DENND11: variants seen among roughly 807,000 people sequenced by gnomAD.
DENND11 encodes the protein DENN domain containing 11.
In DENND11, 34 loss-of-function variants were observed where a neutral mutation model predicts 49.2. The ratio of observed to expected loss-of-function variants is 0.69; its 90% CI spans 0.53 to 0.92. The LOEUF (loss-of-function observed/expected upper bound fraction) is 0.92. Among genes scored for constraint, DENND11 ranks in the 40% least tolerant of loss-of-function variants. The probability of loss-of-function intolerance (pLI) is 0.00; values close to 1 mark genes in which losing one functional copy is unlikely to be tolerated. For synonymous variants in DENND11, 238 were observed against 230.3 expected (o/e 1.03, Z -0.30); for missense variants, 475 against 581.6 (o/e 0.82, Z 1.88).
chr7:141,691,695 G>A (rs2117078766), intron 1 of DENND11, among the ~76,000 whole-genome samples: 1 of 152,284 alleles, frequency 6.6e-6, no homozygotes, highest in East Asian at 1.9e-4. Flanking sequence ...CTGGGGAGAG[G>A]TATCCTTATC....
chr7:141,689,180 T>C (rs976068388), intron 1 of DENND11, among the ~76,000 whole-genome samples: 20 of 152,162 alleles, frequency 1.3e-4, no homozygotes, highest in Non-Finnish European at 8.8e-5. Flanking sequence ...CTATTCACAA[T>C]AGCAAAGACA....
chr7:141,664,313 C>T, intron 7 of DENND11, 73 bp from the exon 8 acceptor site: 5 of 1,172,476 alleles, frequency 4.3e-6, no homozygotes, highest in Non-Finnish European at 2.5e-6. Context: ...CTCAGCCAGG[C>T]ATCTTCAATG....
At chr7:141,692,693 A>C (rs1420758765) in intron 1 of DENND11, among the ~76,000 whole-genome samples, 1 of 152,016 alleles carries the variant, frequency 6.6e-6, no homozygotes, top group Non-Finnish European at 1.5e-5. Flanking sequence ...TTAAAAAAAA[A>C]AATTAGCCAG....
intron 1 of DENND11, among the ~76,000 whole-genome samples, chr7:141,697,845 T>A (rs777261078): frequency 5.9e-5 from 9 of 152,324 alleles, no homozygotes; most frequent in Admixed American, 3.3e-4. Context: ...GACATAAACA[T>A]AGAAGCGCTC....
intron 8 of DENND11, 129 bp downstream of exon 8, chr7:141,664,043 G>A (rs868488591): frequency 9.5e-6 from 7 of 735,434 alleles, no homozygotes; most frequent in Non-Finnish European, 1.6e-5. Flanking sequence ...TAAGGAGCCC[G>A]GCTCTAAGTG....
intron 4 of DENND11, among the ~76,000 whole-genome samples, chr7:141,671,996 T>C (rs1797989073): frequency 6.6e-6 from 1 of 152,246 alleles, no homozygotes. Flanking sequence ...TCTCTTCTGT[T>C]TCTTGCTCCA....
At chr7:141,680,747 G>T (rs1462657799) in intron 3 of DENND11, among the ~76,000 whole-genome samples, 1 of 151,850 alleles carries the variant, frequency 6.6e-6, no homozygotes, top group Non-Finnish European at 1.5e-5. Flanking sequence ...CAATGTAATG[G>T]GGAGACAGCT....
At chr7:141,698,099 TAAAG>T (rs2117085014) in intron 1 of DENND11, among the ~76,000 whole-genome samples, 1 of 152,284 alleles carries the variant, frequency 6.6e-6, no homozygotes, top group African/African-American at 2.4e-5. Flanking sequence ...GAATCTCTTA[TAAAG>T]AAACAGTCTA....
Position 141,685,633 on chromosome 7 carries a change from A to G in DENND11, c.372T>C (p.Tyr124=), listed in dbSNP as rs749579742. Residue 124 remains tyrosine, a synonymous_variant, in exon 3 of 9, where the codon TAT becomes TAC. Transcript: ENST00000536163. ...GSHKIQSDFI[Y]FRKGPFFGLA... is the part of the protein sequence containing the mutation. ...GGCCGAAGAAGGGCCCCTTTCGGAA[A>G]TAGCTAGAAGAGACCAAATACGTAG... The G allele has an allele frequency of 4.3e-6, 7 of 1,613,984 alleles. No individual in the cohort carries two copies. In the Admixed American group the frequency reaches 5.0e-5, roughly 12 times the overall value.
intron 4 of DENND11, among the ~76,000 whole-genome samples, chr7:141,672,245 T>C (rs955957702): frequency 6.6e-5 from 10 of 152,228 alleles, no homozygotes; most frequent in African/African-American, 2.4e-4. Flanking sequence ...AGGCAGCCTC[T>C]AAGATAGTCC....
intron 1 of DENND11, among the ~76,000 whole-genome samples, chr7:141,690,695 A>G (rs563151080): frequency 6.6e-6 from 1 of 152,324 alleles, no homozygotes; most frequent in African/African-American, 2.4e-5. Context: ...ATGATTCCCA[A>G]AGTAGTATTT....
At chr7:141,681,762 C>A (rs1402300798) in intron 3 of DENND11, among the ~76,000 whole-genome samples, 1 of 152,160 alleles carries the variant, frequency 6.6e-6, no homozygotes, top group Non-Finnish European at 1.5e-5. Context: ...CACTAGACCT[C>A]CAAATCTATA....
chr7:141,701,378 G>A lies in DENND11; in HGVS notation c.268+508C>T, dbSNP rs1333988162. ...GAGCTAGGGCGAGCGGGGAGCGGGG[G>A]ACGGGGTGGGGGGCGAGCGGGGAGC... On this transcript the variant is annotated intron_variant, in intron 1 of 8. Coordinates refer to ENST00000536163, the MANE Select transcript of DENND11 (RefSeq NM_001080392.2). 1.2e-4 allele frequency among the ~76,000 whole-genome samples: 17 copies of A among 142,990 alleles called. No homozygotes were observed. In the South Asian group the frequency reaches 1.6e-3, roughly 13 times the overall value. The allele number at this position is 142,990 out of a possible 152,430, so 93.8% of individuals were successfully genotyped here.
At chr7:141,691,608 G>A (rs1442653549) in intron 1 of DENND11, among the ~76,000 whole-genome samples, 1 of 152,310 alleles carries the variant, frequency 6.6e-6, no homozygotes, top group East Asian at 1.9e-4. Context: ...GTGGACATAA[G>A]CCCATCTGGG....
Position 141,662,775 on chromosome 7 carries a change from C to T in DENND11, c.1249G>A (p.Ala417Thr). 1 of 1,607,622 alleles carries T rather than the reference C, an allele frequency of 6.2e-7. No individual in the cohort carries two copies. Among genetic ancestry groups the T allele is most frequent in the South Asian group, 1.1e-5 (1 of 89,616 alleles). The stretch of plus-strand genomic sequence containing the variant: ...AGGCCCATGCCCCGGGCATGCTCTG[C>T]TGTCAGAGTTTTGTCTTGACTGGCA... ...VSASQDKTLT[A>T]EHARGMGLDP... is the part of the protein sequence containing the mutation. Residue 417 changes from alanine (A) to threonine (T), a missense_variant, in exon 9 of 9, where the codon GCA becomes ACA. Physicochemically the swap from Ala to Thr is moderately conservative, Grantham distance 58 (BLOSUM62 0). Coordinates refer to ENST00000536163, the MANE Select transcript of DENND11 (RefSeq NM_001080392.2).
Position 141,684,655 on chromosome 7 carries a change from G to A in DENND11, c.527+823C>T, listed in dbSNP as rs897130795. Among the ~76,000 whole-genome samples the A allele has an allele frequency of 2.6e-5, 4 of 152,044 alleles. No homozygotes were observed. The East Asian group carries it at 5.8e-4, about 22-fold the overall frequency. Reference sequence around the variant, plus strand: ...AATTATGTTGCATAAAAATGTTTACGTAGTGATAAATTTTAAAAGTATAGA... The same window carrying A: ...AATTATGTTGCATAAAAATGTTTACATAGTGATAAATTTTAAAAGTATAGA... On this transcript the variant is annotated intron_variant, in intron 3 of 8. Coordinates refer to ENST00000536163, the MANE Select transcript of DENND11 (RefSeq NM_001080392.2).
At chr7:141,673,235 A>G (rs1798009495) in intron 4 of DENND11, among the ~76,000 whole-genome samples, 1 of 152,086 alleles carries the variant, frequency 6.6e-6, no homozygotes, top group East Asian at 1.9e-4. Context: ...TCGCTGGAAA[A>G]CAAGGAATAA....
In DENND11 at chr7:141,677,390, CAAAA is replaced by C. The variant is rs57034632; in HGVS notation, c.528-3174_528-3171del. On this transcript the variant is annotated intron_variant, in intron 3 of 8. Transcript: ENST00000536163. ...GGGTGACAGAGCGAGACTCTTGTCT[CAAAA>C]AAAAAAAAATATATATATATATATA... 5.6e-3 allele frequency among the ~76,000 whole-genome samples: 686 copies of C among 121,722 alleles called. 4 individuals are homozygous for C. The highest frequency in any genetic ancestry group is 0.016 in the Middle Eastern group (4 of 248). 79.9% of individuals were successfully genotyped at this position (121,722 alleles called of 152,430 possible). A position where few individuals can be genotyped will look rare whatever the true frequency, so the allele number is the denominator to read the frequency against.
At chr7:141,699,613 C>T (rs370258701) in intron 1 of DENND11, among the ~76,000 whole-genome samples, 1 of 152,296 alleles carries the variant, frequency 6.6e-6, no homozygotes, top group East Asian at 1.9e-4. Flanking sequence ...CTTCCTCCCT[C>T]CTTTCTCCTC....
Sources: allele counts gnomAD v4.1 joint callset (sites outside exome capture counted in the v4.1 genomes callset), GRCh38; gene constraint gnomAD v4.1.1; transcripts MANE v1.5; gene names NCBI Gene and HGNC (gene_info 2026-07-23, HGNC 2026-07-21).